The following CHD2 variants were observed in gnomAD, a reference collection of about 807,000 sequenced individuals.
CHD2 encodes chromodomain helicase DNA binding protein 2.
A neutral mutation model predicts 243.9 loss-of-function variants in CHD2; 28 were observed. That is an observed-to-expected ratio of 0.11 (90% CI 0.09 to 0.16). The LOEUF (loss-of-function observed/expected upper bound fraction) is 0.16, where lower values mean the gene tolerates loss of function less well. Ranked by LOEUF, CHD2 falls within the 10% of genes least tolerant of loss-of-function variation. The probability of loss-of-function intolerance (pLI) is 1.00; values close to 1 mark genes in which losing one functional copy is unlikely to be tolerated. For synonymous variants in CHD2, 775 were observed against 779.0 expected, an observed-to-expected ratio of 0.99 and a Z score of 0.09; for missense variants, 1,386 against 2,209.8, an observed-to-expected ratio of 0.63 and a Z score of 7.47.
chr15:92,966,495 G>T (rs976338814), intron 16 of CHD2, among the ~76,000 whole-genome samples: 12 of 152,316 alleles, frequency 7.9e-5, no homozygotes, highest in Middle Eastern at 6.8e-3. Flanking sequence ...TTATCAGGCT[G>T]TAGGCTTTAA....
At chr15:92,921,695 T>A (rs912988946) in intron 2 of CHD2, among the ~76,000 whole-genome samples, 2 of 152,330 alleles carry the variant, frequency 1.3e-5, no homozygotes, top group African/African-American at 2.4e-5. Context: ...GGATGTGATA[T>A]GCTCAGATTT....
At chr15:93,015,125 C>T (rs903775750) in intron 37 of CHD2, among the ~76,000 whole-genome samples, 2 of 152,070 alleles carry the variant, frequency 1.3e-5, no homozygotes, top group Non-Finnish European at 2.9e-5. Context: ...GTCACCCAGG[C>T]TGGAGTGCAG....
chr15:92,955,638 G>T, intron 15 of CHD2, 126 bp downstream of exon 15: 1 of 567,556 alleles, frequency 1.8e-6, no homozygotes, highest in South Asian at 2.8e-5. Flanking sequence ...AAAAACAAAT[G>T]GTAGGGTCTG....
chr15:92,976,614 T>G (rs2053911988), intron 20 of CHD2, among the ~76,000 whole-genome samples: 1 of 150,884 alleles, frequency 6.6e-6, no homozygotes, highest in African/African-American at 2.4e-5. Context: ...ACCAGGAGTT[T>G]GAGACCAGCC....
chr15:92,924,839 C>T (rs1342811439), intron 3 of CHD2, among the ~76,000 whole-genome samples: 2 of 152,092 alleles, frequency 1.3e-5, no homozygotes, highest in Non-Finnish European at 2.9e-5. Context: ...TGCTCTGTTG[C>T]CCAGCCTGGA....
At chr15:92,956,971 C>T (rs917671869) in intron 16 of CHD2, among the ~76,000 whole-genome samples, 9 of 152,086 alleles carry the variant, frequency 5.9e-5, no homozygotes, top group African/African-American at 2.2e-4. Context: ...ATGAAATATA[C>T]AAGGTACACA....
intron 2 of CHD2, among the ~76,000 whole-genome samples, chr15:92,918,741 GT>G (rs1355362991): frequency 6.7e-6 from 1 of 148,920 alleles, no homozygotes; most frequent in African/African-American, 2.4e-5. Context: ...AGGAAATGTC[GT>G]TTTTTTAAGG....
At chr15:92,974,069 T>C (rs1720658396) in intron 19 of CHD2, 1 of 152,230 alleles carries the variant, frequency 6.6e-6, no homozygotes, top group Non-Finnish European at 1.5e-5. Context: ...TAAAATGAAG[T>C]ATTTTGTTCA....
chr15:92,953,328 T>G, intron 13 of CHD2, 29 bp from the exon 14 acceptor site: 1 of 1,593,548 alleles, frequency 6.3e-7, no homozygotes, highest in South Asian at 1.1e-5. Flanking sequence ...AATGATTTTT[T>G]TGTTTTTATT....
chr15:92,911,200 T>C (rs1355662063), intron 2 of CHD2, among the ~76,000 whole-genome samples: 1 of 152,216 alleles, frequency 6.6e-6, no homozygotes, highest in Non-Finnish European at 1.5e-5. Context: ...TTGAATGCTT[T>C]AGGAAGACTA....
intron 34 of CHD2, among the ~76,000 whole-genome samples, chr15:93,008,235 T>C (rs2054346718): frequency 6.6e-6 from 1 of 152,230 alleles, no homozygotes; most frequent in Non-Finnish European, 1.5e-5. Flanking sequence ...CCTGTGTGAC[T>C]GTGCTCATGT....
intron 2 of CHD2, among the ~76,000 whole-genome samples, chr15:92,915,861 C>T (rs1240472673): frequency 2.0e-5 from 3 of 152,082 alleles, no homozygotes; most frequent in Admixed American, 1.3e-4. Flanking sequence ...TGCTACATAC[C>T]TCCCTAACAA....
intron 2 of CHD2, chr15:92,902,296 T>C (rs2052539958): frequency 2.5e-6 from 1 of 397,278 alleles, no homozygotes; most frequent in African/African-American, 2.1e-5. Context: ...TAAGATGTTT[T>C]TGTTGTATGA....
intron 34 of CHD2, among the ~76,000 whole-genome samples, chr15:93,007,922 C>T (rs1428118307): frequency 1.3e-5 from 2 of 152,178 alleles, no homozygotes; most frequent in Non-Finnish European, 2.9e-5. Flanking sequence ...CCATTGTTCA[C>T]GTTACACACT....
At chr15:92,903,742 A>G (rs910725230) in intron 2 of CHD2, among the ~76,000 whole-genome samples, 1 of 152,248 alleles carries the variant, frequency 6.6e-6, no homozygotes, top group Non-Finnish European at 1.5e-5. Flanking sequence ...GACTGTGTGC[A>G]CACAAAGAGT....
At chr15:93,004,788 CCG>C (rs1218683641) in intron 34 of CHD2, 37 bp downstream of exon 34, 1 of 1,598,230 alleles carries the variant, frequency 6.3e-7, no homozygotes, top group Admixed American at 1.7e-5. Flanking sequence ...GTGTCTGCAG[CCG>C]CGGTACTTGC....
chr15:92,963,215 C>A (rs1301616308), intron 16 of CHD2, among the ~76,000 whole-genome samples: 1 of 152,144 alleles, frequency 6.6e-6, no homozygotes, highest in African/African-American at 2.4e-5. Flanking sequence ...TGCTATTTTA[C>A]TATTTGTTTT....
At chr15:92,939,813 G>A in intron 7 of CHD2, 95 bp downstream of exon 7, 1 of 1,304,496 alleles carries the variant, frequency 7.7e-7, no homozygotes, top group Non-Finnish European at 1.0e-6. Context: ...GCACTTAATA[G>A]ATAAAAATAA....
At chr15:92,940,767 A>G (rs965047791) in intron 7 of CHD2, among the ~76,000 whole-genome samples, 2 of 143,808 alleles carry the variant, frequency 1.4e-5, no homozygotes, top group African/African-American at 5.1e-5. Flanking sequence ...ATATAAAAAT[A>G]TATATAAAAA....
Sources: allele counts gnomAD v4.1 joint callset (sites outside exome capture counted in the v4.1 genomes callset), GRCh38; gene constraint gnomAD v4.1.1; transcripts MANE v1.5; gene names NCBI Gene and HGNC (gene_info 2026-07-23, HGNC 2026-07-21).